The following MTSS2 variants were observed in gnomAD, a reference collection of about 807,000 sequenced individuals.
MTSS2 encodes the protein MTSS I-BAR domain containing 2, also known as protein MTSS 2.
A neutral mutation model predicts 67.1 loss-of-function variants in MTSS2; 27 were observed. The observed-to-expected ratio is 0.40, with a 90% CI of 0.30 to 0.55. MTSS2 has a LOEUF of 0.55. Among genes scored for constraint, MTSS2 ranks in the 20% least tolerant of loss-of-function variants. The pLI, the probability that MTSS2 is intolerant of heterozygous loss-of-function variation, is 0.43. For synonymous variants in MTSS2, 624 were observed against 468.6 expected (o/e 1.33, Z -4.28); for missense variants, 1,171 against 1,067.8 (o/e 1.10, Z -1.35).
In MTSS2 at chr16:70,663,752, C is replaced by A; in HGVS notation, c.2169G>T (p.Met723Ile). ...GGACCCCACGCCGGATGGCCACCAG[C>A]ATGTCTTCGGCCGGGGGGTCGCTGG... ...AATSDPPAED[M>I]LVAIRRGVRL... The change falls in exon 15 of 15, where the codon ATG (methionine) becomes ATT (isoleucine). Residue 723 changes from methionine to isoleucine, a missense_variant. Around this residue, in one of 2 missense-constraint regions of MTSS2, gnomAD observed 924 missense variants for 756.0 expected, o/e 1.22. Coordinates refer to ENST00000338779, the MANE Select transcript of MTSS2 (RefSeq NM_138383.3). The A allele has an allele frequency of 6.4e-7, 1 of 1,563,260 alleles. No individual in the cohort carries two copies.
At chr16:70,678,816 G>C (rs2053204920) in intron 7 of MTSS2, among the ~76,000 whole-genome samples, 1 of 152,194 alleles carries the variant, frequency 6.6e-6, no homozygotes, top group South Asian at 2.1e-4. Flanking sequence ...GTGGGGCTCA[G>C]CTGTAGGCCA....
intron 1 of MTSS2, 69 bp from the exon 2 acceptor site, chr16:70,681,094 T>C (rs1318903440): frequency 3.5e-6 from 5 of 1,433,128 alleles, no homozygotes; most frequent in Non-Finnish European, 4.7e-6. Context: ...TGGGCCGGGC[T>C]CCCTGCATGC....
At chr16:70,679,416 G>A in intron 6 of MTSS2, 93 bp from the exon 7 acceptor site, 2 of 1,514,350 alleles carry the variant, frequency 1.3e-6, no homozygotes, top group Non-Finnish European at 1.8e-6. Context: ...CTGGGGCGGG[G>A]GTGCCTGGGC....
At chr16:70,668,864 G>A (rs766339644) in intron 11 of MTSS2, among the ~76,000 whole-genome samples, 29 of 152,214 alleles carry the variant, frequency 1.9e-4, no homozygotes, top group East Asian at 5.8e-4. Flanking sequence ...AACTGTGAGC[G>A]CTACATTTCT....
chr16:70,685,518 G>A (rs1174956774), intron 1 of MTSS2, among the ~76,000 whole-genome samples: 2 of 151,898 alleles, frequency 1.3e-5, no homozygotes, highest in Admixed American at 6.5e-5. Context: ...GGCACCGCAC[G>A]GACACCCCGA....
Position 70,678,376 on chromosome 16 carries a change from G to A in MTSS2, c.500C>T (p.Ala167Val), listed in dbSNP as rs779681194. 1.2e-6 allele frequency: 2 copies of A among 1,612,578 alleles called. No individual in the cohort carries two copies. The highest frequency in any genetic ancestry group is 2.7e-5 in the African/African-American group (2 of 74,950). ...KGDLQPQLDS[A>V]LQDVNDMYLL... ...GTACATGTCGTTGACGTCCTGCAGG[G>A]CACTGTCCAGCTGGGGCTGCAGGTC... The change falls in exon 8 of 15, where the codon GCC (alanine) becomes GTC (valine). Residue 167 changes from alanine to valine, a missense_variant. Physicochemically the swap from Ala to Val is moderately conservative, Grantham distance 64. Transcript: ENST00000338779.
In MTSS2 at chr16:70,661,383, GGA is replaced by G. The variant is rs2052460985; in HGVS notation, c.*2292_*2293del. 2.6e-6 allele frequency: 1 copy of G among 382,834 alleles called. No individual in the cohort carries two copies. The highest frequency in any genetic ancestry group is 7.9e-5 in the East Asian group (1 of 12,618). 23.7% of individuals were successfully genotyped at this position (382,834 alleles called of 1,614,324 possible). ...TGGTTCAGATGGGACGGAGGGTGGG[GGA>G]GGGGGGGAGGGTGAGTAGGAACCAG... On this transcript the variant is annotated 3_prime_UTR_variant, in exon 15 of 15. Coordinates refer to ENST00000338779, the MANE Select transcript of MTSS2 (RefSeq NM_138383.3).
At chr16:70,679,419 G>T in intron 6 of MTSS2, 96 bp from the exon 7 acceptor site, 1 of 1,488,984 alleles carries the variant, frequency 6.7e-7, no homozygotes, top group African/African-American at 1.4e-5. Flanking sequence ...GGGCGGGGGT[G>T]CCTGGGCCTC....
At chr16:70,678,721 C>A (rs1265254227) in intron 7 of MTSS2, among the ~76,000 whole-genome samples, 5 of 152,258 alleles carry the variant, frequency 3.3e-5, no homozygotes, top group African/African-American at 9.6e-5. Flanking sequence ...CTGGCCTCCA[C>A]CTGGGGTACC....
intron 11 of MTSS2, among the ~76,000 whole-genome samples, chr16:70,666,138 C>T (rs187044248): frequency 2.3e-4 from 35 of 152,212 alleles, no homozygotes; most frequent in African/African-American, 7.7e-4. Context: ...GCTGCTGATG[C>T]GCATCAGGTG....
chr16:70,683,613 G>A (rs1335097677), intron 1 of MTSS2, among the ~76,000 whole-genome samples: 1 of 152,226 alleles, frequency 6.6e-6, no homozygotes, highest in Non-Finnish European at 1.5e-5. Flanking sequence ...GGGTTTCAAT[G>A]GGCAGCCTGA....
chr16:70,681,256 C>G (rs1315917266), intron 1 of MTSS2, among the ~76,000 whole-genome samples: 1 of 152,220 alleles, frequency 6.6e-6, no homozygotes, highest in Non-Finnish European at 1.5e-5. Context: ...CAAGCCCTCC[C>G]TCCCTGACAT....
rs1313608162 is a variant in MTSS2 at position 70,664,579 on chromosome 16, C to T, written c.1471+19G>A. The T allele has an allele frequency of 6.2e-7, 1 of 1,608,754 alleles. No homozygotes were observed. The highest frequency in any genetic ancestry group is 1.7e-5 in the Admixed American group (1 of 59,878). ...AAGTCCCAGCTGTCCCTGGTCCCAC[C>T]CCAGCCCCGCGGGCCTGCCTTGGGA... On this transcript the variant is annotated intron_variant, in intron 14 of 14. Coordinates refer to ENST00000338779, the MANE Select transcript of MTSS2 (RefSeq NM_138383.3).
intron 9 of MTSS2, 56 bp from the exon 10 acceptor site, chr16:70,677,034 C>T (rs1409014362): frequency 1.5e-6 from 2 of 1,331,994 alleles, no homozygotes; most frequent in Admixed American, 2.1e-5. Context: ...GCTAGTAGGG[C>T]CAGAGGCCCC....
chr16:70,668,127 G>A (rs1468457630), intron 11 of MTSS2, among the ~76,000 whole-genome samples: 1 of 151,958 alleles, frequency 6.6e-6, no homozygotes, highest in Non-Finnish European at 1.5e-5. Flanking sequence ...TTTCTATAAA[G>A]TCTGGCTGGG....
chr16:70,680,918 G>GGGGCCCC, intron 2 of MTSS2, 46 bp downstream of exon 2: 4 of 1,096,896 alleles, frequency 3.6e-6, no homozygotes, highest in Non-Finnish European at 5.4e-6. Context: ...CGGGGGGGGG[G>GGGGCCCC]CCTCTGCCTG....
chr16:70,682,896 CACGGCCACAGGG>C (rs1432776406), intron 1 of MTSS2, among the ~76,000 whole-genome samples: 354 of 152,272 alleles, frequency 2.3e-3, no homozygotes, highest in African/African-American at 8.0e-3. Flanking sequence ...CTCATTTGCC[CACGGCCACAGGG>C]TGGCGGGGTC....
In MTSS2 at chr16:70,663,435, G is replaced by C. The variant is rs1334985628; in HGVS notation, c.*242C>G. On this transcript the variant is annotated 3_prime_UTR_variant, in exon 15 of 15. Coordinates refer to ENST00000338779, the MANE Select transcript of MTSS2 (RefSeq NM_138383.3). ...CAGAGGAGGAAGAGGAGGGACCGAA[G>C]AGCATAAAACAGACCCCGAACCAGG... 1.6e-6 allele frequency: 1 copy of C among 618,854 alleles called. No individual in the cohort carries two copies. Among genetic ancestry groups the C allele is most frequent in the Admixed American group, 3.7e-5 (1 of 26,876 alleles). 38.3% of individuals were successfully genotyped at this position (618,854 alleles called of 1,614,324 possible).
intron 12 of MTSS2, 110 bp downstream of exon 12, chr16:70,665,356 G>C: frequency 8.4e-7 from 1 of 1,191,154 alleles, no homozygotes; most frequent in Non-Finnish European, 1.2e-6. Flanking sequence ...CTGTGTGCAC[G>C]CACCCCTGGC....
Sources: allele counts gnomAD v4.1 joint callset (sites outside exome capture counted in the v4.1 genomes callset), GRCh38; gene constraint gnomAD v4.1.1; regional missense constraint gnomAD v4.1.1; transcripts MANE v1.5; gene names NCBI Gene and HGNC (gene_info 2026-07-23, HGNC 2026-07-21).